ARHGAP8: variants seen among roughly 807,000 people sequenced by gnomAD.
The protein encoded by ARHGAP8 is Rho GTPase activating protein 8.
ARHGAP8 carries 62 observed loss-of-function variants against 46.1 expected under a neutral mutation model. The ratio of observed to expected loss-of-function variants is 1.34; its 90% CI spans 1.10 to 1.66. The LOEUF (loss-of-function observed/expected upper bound fraction) is 1.66, where lower values mean the gene tolerates loss of function less well. ARHGAP8 is among the 40% of genes most tolerant of loss of function. The pLI is 0.00. For synonymous variants in ARHGAP8, 375 were observed against 243.1 expected (o/e 1.54, Z -5.05); for missense variants, 923 against 568.4 (o/e 1.62, Z -6.34).
chr22:44,822,470 G>T lies in ARHGAP8; in HGVS notation c.485+1G>T, dbSNP rs769162435. On this transcript the variant is annotated splice_donor_variant, in intron 6 of 11. Transcript: ENST00000356099. LOFTEE classifies it high-confidence loss of function. ...TGGTCATCCCTCCCGAAGTTTTGCG[G>T]TAAGTGCCTGTTAGACCCCAGAAGC... 1 of 1,549,792 alleles carries T rather than the reference G, an allele frequency of 6.5e-7. No homozygotes were observed. Among genetic ancestry groups the T allele is most frequent in the Non-Finnish European group, 8.6e-7 (1 of 1,156,960 alleles).
chr22:44,807,879 C>T (rs748181154), intron 3 of ARHGAP8, among the ~76,000 whole-genome samples: 1 of 152,204 alleles, frequency 6.6e-6, no homozygotes, highest in African/African-American at 2.4e-5. Flanking sequence ...ACCTTCCGCC[C>T]TCTGACTTCT....
chr22:44,828,444 T>G (rs1411564632), intron 7 of ARHGAP8, among the ~76,000 whole-genome samples: 2 of 149,748 alleles, frequency 1.3e-5, no homozygotes, highest in Non-Finnish European at 3.0e-5. Flanking sequence ...TTTTTTTTTT[T>G]TTTTTTGAGA....
intron 7 of ARHGAP8, among the ~76,000 whole-genome samples, chr22:44,829,209 T>A (rs1930760857): frequency 6.7e-6 from 1 of 149,962 alleles, no homozygotes; most frequent in Non-Finnish European, 1.5e-5. Flanking sequence ...GAGAATTGCT[T>A]GAACCTGGGA....
At chr22:44,858,487 C>T (rs2070307796) in intron 10 of ARHGAP8, among the ~76,000 whole-genome samples, 1 of 142,998 alleles carries the variant, frequency 7.0e-6, no homozygotes, top group South Asian at 2.2e-4. Flanking sequence ...CCAGCTTCAG[C>T]CTCCCATGTA....
chr22:44,768,861 CAG>C (rs991380394), intron 1 of ARHGAP8, among the ~76,000 whole-genome samples: 2 of 145,306 alleles, frequency 1.4e-5, no homozygotes, highest in African/African-American at 2.5e-5. Context: ...TTTTTCAAGA[CAG>C]AGTCTCTGTT....
intron 7 of ARHGAP8, among the ~76,000 whole-genome samples, chr22:44,829,480 C>T (rs1225193580): frequency 2.6e-5 from 4 of 152,136 alleles, no homozygotes; most frequent in East Asian, 1.9e-4. Flanking sequence ...TGATGCAGGG[C>T]TGTTGGCTTT....
intron 7 of ARHGAP8, among the ~76,000 whole-genome samples, chr22:44,827,972 C>T (rs1483155125): frequency 1.3e-5 from 2 of 152,116 alleles, no homozygotes; most frequent in Non-Finnish European, 2.9e-5. Context: ...GTATGGTAGC[C>T]AGTGCTCGCG....
intron 7 of ARHGAP8, among the ~76,000 whole-genome samples, chr22:44,838,047 C>T (rs916750278): frequency 2.0e-5 from 3 of 152,124 alleles, no homozygotes; most frequent in Admixed American, 6.5e-5. Context: ...AGTCTCAGCT[C>T]GCTGCAGCCT....
intron 7 of ARHGAP8, 119 bp downstream of exon 7, chr22:44,825,712 G>C: frequency 8.1e-7 from 1 of 1,231,560 alleles, no homozygotes; most frequent in Non-Finnish European, 1.1e-6. Context: ...GCTGAACCCT[G>C]CAGGAAAGAT....
At chr22:44,856,829 C>T (rs1300238654) in intron 10 of ARHGAP8, among the ~76,000 whole-genome samples, 3 of 144,534 alleles carry the variant, frequency 2.1e-5, no homozygotes, top group Admixed American at 2.0e-4. Context: ...ACCCATTCTT[C>T]CGAATGTGGC....
intron 7 of ARHGAP8, among the ~76,000 whole-genome samples, chr22:44,830,309 C>G (rs911667568): frequency 6.6e-6 from 1 of 151,784 alleles, no homozygotes; most frequent in Admixed American, 6.6e-5. Flanking sequence ...CAGGCGTGAG[C>G]CACTGCACCC....
intron 11 of ARHGAP8, among the ~76,000 whole-genome samples, chr22:44,860,146 T>A (rs942252351): frequency 1.3e-5 from 2 of 151,792 alleles, no homozygotes; most frequent in Non-Finnish European, 2.9e-5. Context: ...TTGGGCTGAG[T>A]CTCTAGGAGG....
At chr22:44,850,149 C>G (rs2070058296) in intron 10 of ARHGAP8, 1 of 152,214 alleles carries the variant, frequency 6.6e-6, no homozygotes, top group Non-Finnish European at 1.5e-5. Flanking sequence ...GGACCCCAAA[C>G]TCCCCTCAAA....
At chr22:44,835,113 G>A (rs994992076) in intron 7 of ARHGAP8, among the ~76,000 whole-genome samples, 1 of 151,848 alleles carries the variant, frequency 6.6e-6, no homozygotes, top group Non-Finnish European at 1.5e-5. Context: ...AGTTACATCT[G>A]CCATTTTGCT....
chr22:44,808,543 G>T (rs1312143147), intron 4 of ARHGAP8, 105 bp downstream of exon 4: 12 of 1,528,130 alleles, frequency 7.9e-6, no homozygotes, highest in Non-Finnish European at 9.6e-6. Context: ...GGAGGGGTCT[G>T]GTAGGGCGGA....
chr22:44,787,919 C>CTTT (rs1194920444), intron 2 of ARHGAP8, among the ~76,000 whole-genome samples: 1 of 89,058 alleles, frequency 1.1e-5, no homozygotes, highest in Non-Finnish European at 2.4e-5. Flanking sequence ...CCCAAATGTC[C>CTTT]TTTTTTTTTT....
intron 1 of ARHGAP8, among the ~76,000 whole-genome samples, chr22:44,774,005 T>G (rs75048126): frequency 0.014 from 2,141 of 152,350 alleles, 49 homozygotes; most frequent in Admixed American, 0.064. Flanking sequence ...GCTAAATCCT[T>G]ATATTCTCTC....
At position 44,859,787 on chromosome 22, in the gene ARHGAP8, G is replaced by A. The variant is rs1369964294; in HGVS notation, c.934G>A (p.Glu312Lys). Reference protein sequence around the residue: ...GCRQILRSLPEHNYVVLRYLM... With the variant: ...GCRQILRSLPKHNYVVLRYLM... ...CCGCCAGATCTTACGGAGCCTCCCAGAGCACAACTACGTCGTCCTCCGCTA... is the reference window on the plus strand; with the variant it reads ...CCGCCAGATCTTACGGAGCCTCCCAAAGCACAACTACGTCGTCCTCCGCTA... Residue 312 changes from glutamate (E) to lysine (K), a missense_variant, in exon 11 of 12, where the codon GAG becomes AAG. Transcript: ENST00000356099. 6.2e-7 allele frequency: 1 copy of A among 1,614,108 alleles called. No homozygotes were observed.
chr22:44,782,975 C>T (rs560312113), intron 1 of ARHGAP8, among the ~76,000 whole-genome samples: 3 of 152,248 alleles, frequency 2.0e-5, no homozygotes, highest in East Asian at 1.9e-4. Flanking sequence ...ACGTGGCTAA[C>T]GTGTAGGGCC....
Sources: gnomAD v4.1 joint callset for allele counts (sites outside exome capture counted in the v4.1 genomes callset) on GRCh38, gnomAD v4.1.1 for gene constraint, MANE v1.5 for transcripts, NCBI Gene and HGNC (gene_info 2026-07-23, HGNC 2026-07-21) for gene names.